Variants in ITIH5 observed in about 807,000 individuals in gnomAD.
ITIH5 encodes inter-alpha-trypsin inhibitor heavy chain H5.
Under a neutral mutation model 77.5 loss-of-function variants are expected in ITIH5, and 65 were observed. The observed-to-expected ratio is 0.84, with a 90% CI of 0.69 to 1.03. ITIH5 has a LOEUF of 1.03. Ranked by LOEUF, ITIH5 falls within the 50% of genes least tolerant of loss-of-function variation. The probability of loss-of-function intolerance (pLI) is 0.00; values close to 1 mark genes in which losing one functional copy is unlikely to be tolerated. For synonymous variants in ITIH5, 525 were observed against 494.3 expected, an observed-to-expected ratio of 1.06 and a Z score of -0.82; for missense variants, 1,208 against 1,213.1, an observed-to-expected ratio of 1.00 and a Z score of 0.06.
chr10:7,608,411 C>G lies in ITIH5; in HGVS notation c.939+7571G>C, dbSNP rs189214110. The stretch of plus-strand genomic sequence containing the variant: ...CCTCCTACCTCAGCCTCCTAAGTAG[C>G]TGGGACTACAGATGTGGGCCATCAT... On this transcript the variant is annotated intron_variant, in intron 7 of 13. Coordinates refer to ENST00000397146, the MANE Select transcript of ITIH5 (RefSeq NM_030569.7). Among the ~76,000 whole-genome samples the G allele has an allele frequency of 4.1e-4, 63 of 152,328 alleles. 1 individual carries two copies. Among genetic ancestry groups the G allele is most frequent in the Admixed American group, 1.7e-3 (26 of 15,298 alleles).
intron 13 of ITIH5, among the ~76,000 whole-genome samples, chr10:7,565,006 CTACA>C (rs1564230592): frequency 8.0e-6 from 1 of 125,612 alleles, no homozygotes; most frequent in African/African-American, 3.9e-5. Flanking sequence ...GACTGTATAC[CTACA>C]TATATACATA....
At chr10:7,604,147 T>G (rs1168192374) in intron 7 of ITIH5, among the ~76,000 whole-genome samples, 1 of 152,212 alleles carries the variant, frequency 6.6e-6, no homozygotes, top group Non-Finnish European at 1.5e-5. Context: ...CCTGCTCACA[T>G]GCTTCCAGGC....
chr10:7,609,858 T>C (rs948469678), intron 7 of ITIH5, among the ~76,000 whole-genome samples: 1 of 151,924 alleles, frequency 6.6e-6, no homozygotes, highest in Non-Finnish European at 1.5e-5. Context: ...TTAATATGAA[T>C]GTGAAAGTAG....
chr10:7,629,521 G>GTGTTATAGCGTGTGTCCA lies in ITIH5; in HGVS notation c.652+7706_652+7707insTGGACACACGCTATAACA, dbSNP rs1554756085. Among the ~76,000 whole-genome samples, 20 of 87,324 alleles carry GTGTTATAGCGTGTGTCCA rather than the reference G, an allele frequency of 2.3e-4. 3 individuals carry two copies. Among genetic ancestry groups the GTGTTATAGCGTGTGTCCA allele is most frequent in the African/African-American group, 9.8e-4 (20 of 20,338 alleles). The allele number at this position is 87,324 out of a possible 152,430, so 57.3% of individuals were successfully genotyped here. ...TGTGTCCATGTTGCAGCGTGTGTCC[G>GTGTTATAGCGTGTGTCCA]TGTTGCAGCGTGTGTCCGTGTTGTG... On this transcript the variant is annotated intron_variant, in intron 5 of 13. Transcript: ENST00000397146.
At chr10:7,601,219 G>C (rs1833008558) in intron 7 of ITIH5, among the ~76,000 whole-genome samples, 1 of 152,150 alleles carries the variant, frequency 6.6e-6, no homozygotes, top group East Asian at 1.9e-4. Context: ...CTAAGCAAAA[G>C]TGGGAGATTT....
At chr10:7,629,348 A>C (rs867601167) in intron 5 of ITIH5, among the ~76,000 whole-genome samples, 6 of 79,622 alleles carry the variant, frequency 7.5e-5, no homozygotes, top group African/African-American at 4.0e-4. Context: ...CCCATGTTGT[A>C]GCGTGTGTCC....
rs2130962622 is a variant in ITIH5 at position 7,579,679 on chromosome 10, CCT to C, written c.1418+74_1418+75del. On this transcript the variant is annotated intron_variant, in intron 9 of 13. Coordinates refer to ENST00000397146, the MANE Select transcript of ITIH5 (RefSeq NM_030569.7). ...CAAGGCTGGGGTGCAGCAACACACT[CCT>C]CTCTGAATTCCCACCGCAGCCACCC... 8 of 1,433,784 alleles carry C rather than the reference CCT, an allele frequency of 5.6e-6. No homozygotes were observed. The East Asian group carries it at 1.6e-4, about 29-fold the overall frequency. The allele number at this position is 1,433,784 out of a possible 1,614,324, so 88.8% of individuals were successfully genotyped here.
At chr10:7,597,063 A>AAAAAAAAT (rs750714870) in intron 7 of ITIH5, among the ~76,000 whole-genome samples, 62 of 142,628 alleles carry the variant, frequency 4.3e-4, no homozygotes, top group Non-Finnish European at 6.5e-4. Flanking sequence ...AAAAAAAAAA[A>AAAAAAAAT]ATTCCACCAA....
At position 7,579,821 on chromosome 10, in the gene ITIH5, G is replaced by A. The variant is rs777190590; in HGVS notation, c.1352C>T (p.Ser451Leu). 2.7e-5 allele frequency: 43 copies of A among 1,613,732 alleles called. No homozygotes were observed. Among genetic ancestry groups the A allele is most frequent in the Non-Finnish European group, 3.3e-5 (39 of 1,179,748 alleles). Residue 451 changes from serine (S) to leucine (L), a missense_variant, in exon 9 of 14, where the codon TCG (serine) becomes TTG (leucine). By Grantham distance (145) the Ser-to-Leu change is moderately radical. Coordinates refer to ENST00000397146, the MANE Select transcript of ITIH5 (RefSeq NM_030569.7). The part of the protein sequence containing the change: ...DVDFRLLEKL[S>L]LENCGLTRRV... Reference sequence around the variant, plus strand: ...CCGTGTGAGGCCACAGTTCTCCAGCGACAGTTTCTCCAGCAGCCTGAAGTC... The same window carrying A: ...CCGTGTGAGGCCACAGTTCTCCAGCAACAGTTTCTCCAGCAGCCTGAAGTC...
At chr10:7,585,420 A>G (rs1048557781) in intron 8 of ITIH5, among the ~76,000 whole-genome samples, 4 of 151,606 alleles carry the variant, frequency 2.6e-5, no homozygotes, top group Admixed American at 6.6e-5. Flanking sequence ...ATCACATTTT[A>G]CCTCCGCAAC....
chr10:7,619,089 A>C (rs535364372), intron 5 of ITIH5: 37 of 152,438 alleles, frequency 2.4e-4, no homozygotes, highest in African/African-American at 6.7e-4. Context: ...GTGCATGGAC[A>C]GGTGGCACAG....
At chr10:7,647,032 A>C (rs1244424277) in intron 2 of ITIH5, among the ~76,000 whole-genome samples, 1 of 152,242 alleles carries the variant, frequency 6.6e-6, no homozygotes. Context: ...CTGCCACTGA[A>C]CAAAAAATAT....
Position 7,655,684 on chromosome 10 carries a change from G to C in ITIH5, c.91-9C>G. The C allele has an allele frequency of 3.1e-6, 5 of 1,607,168 alleles. No individual in the cohort carries two copies. Among genetic ancestry groups the C allele is most frequent in the Non-Finnish European group, 4.3e-6 (5 of 1,174,012 alleles). On this transcript the variant is annotated splice_polypyrimidine_tract_variant and intron_variant, in intron 1 of 13. Transcript: ENST00000397146. ...GGGACCCTGAGTCCATCCTAGAAAA[G>C]AGAAGAGACTGTTAAAAAGGTGATT... is the stretch of plus-strand genomic sequence containing the variant.
chr10:7,607,316 T>A (rs1294143250), intron 7 of ITIH5, among the ~76,000 whole-genome samples: 1 of 152,214 alleles, frequency 6.6e-6, no homozygotes, highest in Admixed American at 6.5e-5. Flanking sequence ...GGAGGACAGA[T>A]CTTGCATCCA....
chr10:7,614,905 G>C (rs1321043212), intron 7 of ITIH5, among the ~76,000 whole-genome samples: 1 of 152,140 alleles, frequency 6.6e-6, no homozygotes, highest in African/African-American at 2.4e-5. Flanking sequence ...TATGAGATTT[G>C]AGATAGTATC....
At chr10:7,662,581 G>C (rs577628135) in intron 1 of ITIH5, among the ~76,000 whole-genome samples, 1 of 152,298 alleles carries the variant, frequency 6.6e-6, no homozygotes, top group Non-Finnish European at 1.5e-5. Context: ...TGATAAGCAA[G>C]ATCGCCTTAT....
intron 2 of ITIH5, among the ~76,000 whole-genome samples, chr10:7,645,982 T>A (rs143764513): frequency 9.2e-5 from 14 of 152,338 alleles, no homozygotes; most frequent in African/African-American, 3.4e-4. Flanking sequence ...AATAAGACCA[T>A]GAATTGAGAG....
chr10:7,646,779 G>C (rs903980115), intron 2 of ITIH5, among the ~76,000 whole-genome samples: 4 of 152,206 alleles, frequency 2.6e-5, no homozygotes, highest in African/African-American at 9.7e-5. Flanking sequence ...CTACACATGA[G>C]TCAGCTGGTC....
chr10:7,631,504 AAAG>A (rs74457861), intron 5 of ITIH5, among the ~76,000 whole-genome samples: 30,988 of 151,952 alleles, frequency 0.2, 4,130 homozygotes, highest in African/African-American at 0.38. Context: ...CTTTTCTCCA[AAAG>A]AAGATGAGAT....
Sources: gnomAD v4.1 joint callset for allele counts (sites outside exome capture counted in the v4.1 genomes callset) on GRCh38, gnomAD v4.1.1 for gene constraint, MANE v1.5 for transcripts, NCBI Gene and HGNC (gene_info 2026-07-23, HGNC 2026-07-21) for gene names.